ADAMTS2: variants seen among roughly 807,000 people sequenced by gnomAD.
The protein encoded by ADAMTS2 is A disintegrin and metalloproteinase with thrombospondin motifs 2.
A neutral mutation model predicts 123.0 loss-of-function variants in ADAMTS2; 50 were observed. That is an observed-to-expected ratio of 0.41 (90% confidence interval 0.32 to 0.51). The LOEUF (loss-of-function observed/expected upper bound fraction) is 0.51, where lower values mean the gene tolerates loss of function less well. Among genes scored for constraint, ADAMTS2 ranks in the 20% least tolerant of loss-of-function variants. The probability of loss-of-function intolerance (pLI) is 0.35; values close to 1 mark genes in which losing one functional copy is unlikely to be tolerated. For synonymous variants in ADAMTS2, 678 were observed against 695.4 expected, an observed-to-expected ratio of 0.98 and a Z score of 0.39; for missense variants, 1,494 against 1,705.2, an observed-to-expected ratio of 0.88 and a Z score of 2.18.
At chr5:179,124,872 G>A in intron 19 of ADAMTS2, 101 bp downstream of exon 19, 1 of 1,599,402 alleles carries the variant, frequency 6.3e-7, no homozygotes, top group East Asian at 2.3e-5. Flanking sequence ...GGAGCGGGTG[G>A]TGGTGTTGTG....
intron 2 of ADAMTS2, among the ~76,000 whole-genome samples, chr5:179,296,516 C>T (rs1229833608): frequency 6.6e-6 from 1 of 152,118 alleles, no homozygotes; most frequent in Non-Finnish European, 1.5e-5. Flanking sequence ...CCCAGCAATT[C>T]AGCAAGGAAA....
At chr5:179,138,186 C>T (rs2113219491) in intron 11 of ADAMTS2, among the ~76,000 whole-genome samples, 1 of 152,314 alleles carries the variant, frequency 6.6e-6, no homozygotes, top group African/African-American at 2.4e-5. Context: ...ATCCTCCCTC[C>T]TGGGGTTCCT....
intron 11 of ADAMTS2, among the ~76,000 whole-genome samples, chr5:179,139,543 C>CG (rs935039617): frequency 2.0e-4 from 30 of 151,978 alleles, no homozygotes; most frequent in African/African-American, 4.3e-4. Flanking sequence ...GTGCTAGCAT[C>CG]GGGGGGGCTG....
chr5:179,158,943 A>G lies in ADAMTS2; in HGVS notation c.976-64T>C. 6.3e-7 allele frequency: 1 copy of G among 1,578,656 alleles called. No individual in the cohort carries two copies. Among genetic ancestry groups the G allele is most frequent in the Non-Finnish European group, 8.6e-7 (1 of 1,160,556 alleles). ...CGCCTGGTGGCCCAGTGGGGGGCCG[A>G]GCAGGCTGTAGTGTTGACAGACCCC... On this transcript the variant is annotated intron_variant, in intron 5 of 21. Transcript: ENST00000251582. The surrounding 1 kb of genome is among the most constrained non-coding windows in gnomAD (Gnocchi z 5.0).
intron 10 of ADAMTS2, among the ~76,000 whole-genome samples, chr5:179,147,352 G>T (rs1381936849): frequency 1.3e-5 from 2 of 152,220 alleles, no homozygotes; most frequent in African/African-American, 4.8e-5. Context: ...GCCTCCCAAA[G>T]TGTCGGGATT....
At chr5:179,127,131 A>T (rs1762874437) in intron 17 of ADAMTS2, among the ~76,000 whole-genome samples, 1 of 152,208 alleles carries the variant, frequency 6.6e-6, no homozygotes, top group Non-Finnish European at 1.5e-5. Context: ...GTGAGAGTGG[A>T]CACACAAGGG....
chr5:179,263,367 G>C (rs980884699), intron 3 of ADAMTS2, among the ~76,000 whole-genome samples: 2 of 151,506 alleles, frequency 1.3e-5, no homozygotes, highest in Non-Finnish European at 2.9e-5. Flanking sequence ...CCATGATTTG[G>C]GGAGCAGCAT....
chr5:179,249,862 T>C (rs184961091), intron 3 of ADAMTS2, among the ~76,000 whole-genome samples: 2 of 152,312 alleles, frequency 1.3e-5, no homozygotes, highest in South Asian at 2.1e-4. Context: ...AGCATTACCC[T>C]GATACCGAAA....
At chr5:179,136,570 C>G (rs1420652767) in intron 12 of ADAMTS2, among the ~76,000 whole-genome samples, 1 of 151,106 alleles carries the variant, frequency 6.6e-6, no homozygotes, top group African/African-American at 2.4e-5. Flanking sequence ...GAGGCTGAGG[C>G]AGGAGAATCG....
rs140997135 is a variant in ADAMTS2, at chr5:179,221,789, T to C, written c.689-14074A>G. ...CAAGACCCTGGAACTTGCCAGACCC[T>C]CAGCCCTCTCTCCCAGTGAGTGTCA... is the stretch of plus-strand genomic sequence containing the variant. On this transcript the variant is annotated intron_variant, in intron 3 of 21. Coordinates refer to ENST00000251582, the MANE Select transcript of ADAMTS2 (RefSeq NM_014244.5). 4.5e-3 allele frequency among the ~76,000 whole-genome samples: 682 copies of C among 151,880 alleles called. 3 individuals are homozygous for C. The highest frequency in any genetic ancestry group is 0.016 in the African/African-American group (660 of 41,380).
chr5:179,262,888 C>T lies in ADAMTS2; in HGVS notation c.688+10023G>A, dbSNP rs918240947. ...ACACATGGTGGACACATAGCAAGAACGTGACGAGTGAATGCAGGAAAATAC... is the reference window on the plus strand; with the variant it reads ...ACACATGGTGGACACATAGCAAGAATGTGACGAGTGAATGCAGGAAAATAC... On this transcript the variant is annotated intron_variant, in intron 3 of 21. Transcript: ENST00000251582. The surrounding 1 kb of genome is among the most constrained non-coding windows in gnomAD (Gnocchi z 5.9). Among the ~76,000 whole-genome samples the T allele has an allele frequency of 1.3e-5, 2 of 152,222 alleles. No homozygotes were observed. The highest frequency in any genetic ancestry group is 2.9e-5 in the Non-Finnish European group (2 of 68,038).
intron 2 of ADAMTS2, among the ~76,000 whole-genome samples, chr5:179,343,206 G>C (rs534149783): frequency 1.3e-5 from 2 of 152,198 alleles, no homozygotes; most frequent in African/African-American, 4.8e-5. Flanking sequence ...TTACCCGCAC[G>C]CAAGGAAACA....
At chr5:179,124,872 G>C in intron 19 of ADAMTS2, 101 bp downstream of exon 19, 1 of 1,599,402 alleles carries the variant, frequency 6.3e-7, no homozygotes, top group East Asian at 2.3e-5. Context: ...GGAGCGGGTG[G>C]TGGTGTTGTG....
chr5:179,299,071 C>A (rs1318190653), intron 2 of ADAMTS2, among the ~76,000 whole-genome samples: 1 of 151,942 alleles, frequency 6.6e-6, no homozygotes, highest in Non-Finnish European at 1.5e-5. Context: ...GAAGCCAGTG[C>A]TCCAGTCAAG....
chr5:179,201,165 A>G (rs1238730984), intron 4 of ADAMTS2, among the ~76,000 whole-genome samples: 1 of 152,210 alleles, frequency 6.6e-6, no homozygotes, highest in Non-Finnish European at 1.5e-5. Flanking sequence ...ATGAAACCAT[A>G]ACAGAGAACA....
chr5:179,295,277 G>A (rs1458822986), intron 2 of ADAMTS2, among the ~76,000 whole-genome samples: 1 of 152,146 alleles, frequency 6.6e-6, no homozygotes, highest in Non-Finnish European at 1.5e-5. Context: ...CTTCTGCCCT[G>A]TCCTACAGCC....
chr5:179,286,828 C>T (rs1391469134), intron 2 of ADAMTS2, among the ~76,000 whole-genome samples: 1 of 152,178 alleles, frequency 6.6e-6, no homozygotes, highest in Non-Finnish European at 1.5e-5. Context: ...CGAGGCCTCT[C>T]TCCTTGGCTT....
chr5:179,263,079 A>C (rs1766275307), intron 3 of ADAMTS2, among the ~76,000 whole-genome samples: 1 of 137,398 alleles, frequency 7.3e-6, no homozygotes, highest in Non-Finnish European at 1.6e-5. Context: ...TTATTCCCCC[A>C]TGATTTGGGG....
intron 3 of ADAMTS2, among the ~76,000 whole-genome samples, chr5:179,247,003 AAAG>A (rs1403385777): frequency 6.6e-6 from 1 of 152,186 alleles, no homozygotes; most frequent in Non-Finnish European, 1.5e-5. Flanking sequence ...AAATAACAAG[AAAG>A]GATGGTCCAC....
Sources: allele counts gnomAD v4.1 joint callset (sites outside exome capture counted in the v4.1 genomes callset), GRCh38; gene constraint gnomAD v4.1.1; non-coding constraint Gnocchi (gnomAD v3.1); transcripts MANE v1.5; gene names NCBI Gene and HGNC (gene_info 2026-07-23, HGNC 2026-07-21).